PDE6A: variants seen among roughly 807,000 people sequenced by gnomAD.
PDE6A encodes the protein rod cGMP-specific 3',5'-cyclic phosphodiesterase subunit alpha.
Under a neutral mutation model 106.3 loss-of-function variants are expected in PDE6A, and 84 were observed. That is an observed-to-expected ratio of 0.79 (90% CI 0.66 to 0.95). The LOEUF (loss-of-function observed/expected upper bound fraction) is 0.95. Ranked by LOEUF, PDE6A falls within the 40% of genes least tolerant of loss-of-function variation. The probability of loss-of-function intolerance (pLI) is 0.00; values close to 1 mark genes in which losing one functional copy is unlikely to be tolerated. For synonymous variants in PDE6A, 394 were observed against 386.6 expected, an observed-to-expected ratio of 1.02 and a Z score of -0.23; for missense variants, 1,052 against 1,084.9, an observed-to-expected ratio of 0.97 and a Z score of 0.43.
At chr5:149,895,749 G>A (rs1752721244) in intron 12 of PDE6A, among the ~76,000 whole-genome samples, 3 of 150,766 alleles carry the variant, frequency 2.0e-5, no homozygotes, top group Admixed American at 1.3e-4. Context: ...AGAGCTGGGA[G>A]TGTGTGTGTG....
chr5:149,919,726 C>G (rs374199390), intron 5 of PDE6A, among the ~76,000 whole-genome samples: 1 of 152,144 alleles, frequency 6.6e-6, no homozygotes, highest in African/African-American at 2.4e-5. Flanking sequence ...TTACCTTCTA[C>G]CTGAGCAGCT....
intron 12 of PDE6A, among the ~76,000 whole-genome samples, chr5:149,896,069 T>C (rs929435078): frequency 6.6e-6 from 1 of 152,164 alleles, no homozygotes. Flanking sequence ...CATTTAACTA[T>C]AGGACCCATT....
At chr5:149,940,041 C>A (rs550158311) in intron 1 of PDE6A, 6 of 150,064 alleles carry the variant, frequency 4.0e-5, no homozygotes, top group East Asian at 1.9e-4. Flanking sequence ...TTAGGCTAGT[C>A]GAGTGAAGCA....
intron 17 of PDE6A, among the ~76,000 whole-genome samples, chr5:149,874,977 G>A (rs1428678461): frequency 6.6e-6 from 1 of 152,062 alleles, no homozygotes; most frequent in Non-Finnish European, 1.5e-5. Context: ...CTGAGGTGAG[G>A]GAGTAAGTCA....
Position 149,868,087 on chromosome 5 carries a change from G to T in PDE6A, c.2199+8C>A. 1.2e-6 allele frequency: 2 copies of T among 1,613,736 alleles called. No homozygotes were observed. Among genetic ancestry groups the T allele is most frequent in the Non-Finnish European group, 1.7e-6 (2 of 1,179,666 alleles). ...TGCCCCTCCTCTTGGGTCAGCAGGAGTTCATACCTGGCTCTGCACCTCCCA... is the reference window on the plus strand; with the variant it reads ...TGCCCCTCCTCTTGGGTCAGCAGGATTTCATACCTGGCTCTGCACCTCCCA... On this transcript the variant is annotated splice_region_variant and intron_variant, in intron 18 of 21. Coordinates refer to ENST00000255266, the MANE Select transcript of PDE6A (RefSeq NM_000440.3).
chr5:149,920,883 G>GAGAC (rs1477105357), intron 5 of PDE6A, among the ~76,000 whole-genome samples: 13 of 148,564 alleles, frequency 8.8e-5, no homozygotes, highest in Non-Finnish European at 1.5e-4. Context: ...GAGAAAGAGA[G>GAGAC]AGACAGAGAG....
Position 149,944,684 on chromosome 5 carries a change from C to A in PDE6A, c.-11G>T, listed in dbSNP as rs112926956. 2.9e-3 allele frequency: 4,697 copies of A among 1,593,982 alleles called. 12 individuals carry two copies. The highest frequency in any genetic ancestry group is 0.013 in the East Asian group (595 of 44,400). Reference sequence around the variant, plus strand: ...TGTCACCTCGCCCATGGCTGGGAATCCCACTGGCTACTCTGTAGAAGGACT... The same window carrying A: ...TGTCACCTCGCCCATGGCTGGGAATACCACTGGCTACTCTGTAGAAGGACT... On this transcript the variant is annotated 5_prime_UTR_variant, in exon 1 of 22. Transcript: ENST00000255266.
At chr5:149,925,706 CAAAA>C (rs36003503) in intron 4 of PDE6A, among the ~76,000 whole-genome samples, 3 of 102,198 alleles carry the variant, frequency 2.9e-5, no homozygotes, top group Non-Finnish European at 1.9e-5. Flanking sequence ...GACTCTGTCT[CAAAA>C]AAAAAAAAAA....
intron 6 of PDE6A, among the ~76,000 whole-genome samples, chr5:149,910,543 G>C (rs1395597081): frequency 2.0e-5 from 3 of 152,080 alleles, no homozygotes; most frequent in Non-Finnish European, 2.9e-5. Context: ...TGCCAGTTAA[G>C]ATAATTTTTC....
Position 149,944,647 on chromosome 5 carries a change from C to T in PDE6A, c.27G>A (p.Val9=), listed in dbSNP as rs1412849582. 4 of 1,612,060 alleles carry T rather than the reference C, an allele frequency of 2.5e-6. No individual in the cohort carries two copies. Among genetic ancestry groups the T allele is most frequent in the Non-Finnish European group, 3.4e-6 (4 of 1,179,198 alleles). Reference sequence around the variant, plus strand: ...CAATATTCGAGTCCAGGAACTTCTCCACCTCCTCTGCTGTCACCTCGCCCA... The same window carrying T: ...CAATATTCGAGTCCAGGAACTTCTCTACCTCCTCTGCTGTCACCTCGCCCA... The part of the protein sequence containing the change: MGEVTAEE[V]EKFLDSNIGF... Residue 9 remains valine, a synonymous_variant, in exon 1 of 22, where the codon GTG becomes GTA. Transcript: ENST00000255266.
intron 8 of PDE6A, among the ~76,000 whole-genome samples, chr5:149,901,596 T>C (rs1339325329): frequency 6.6e-6 from 1 of 151,540 alleles, no homozygotes; most frequent in East Asian, 1.9e-4. Flanking sequence ...GGAGTATGAG[T>C]TGGAGGAGGA....
Position 149,931,168 on chromosome 5 carries a change from T to A in PDE6A, c.718A>T (p.Ile240Leu). The A allele has an allele frequency of 6.2e-7, 1 of 1,614,082 alleles. No homozygotes were observed. Among genetic ancestry groups the A allele is most frequent in the Non-Finnish European group, 8.5e-7 (1 of 1,180,002 alleles). ...ACTTTGCTCCCAGACCACAGCAGTA[T>A]CTGAAAAAACACAAAAACATATTCA... The part of the protein sequence containing the change: ...LHNCETRRGQ[I>L]LLWSGSKVFE... Residue 240 changes from isoleucine to leucine, a missense_variant and splice_region_variant, in exon 4 of 22, where the codon ATA (isoleucine) becomes TTA (leucine). Coordinates refer to ENST00000255266, the MANE Select transcript of PDE6A (RefSeq NM_000440.3).
At chr5:149,918,216 C>G (rs182429608) in intron 5 of PDE6A, among the ~76,000 whole-genome samples, 6 of 152,298 alleles carry the variant, frequency 3.9e-5, no homozygotes, top group Admixed American at 2.0e-4. Flanking sequence ...CTTAGCTAGA[C>G]TGCTTTAAAA....
At chr5:149,908,294 G>A (rs574060279) in intron 6 of PDE6A, among the ~76,000 whole-genome samples, 6 of 152,256 alleles carry the variant, frequency 3.9e-5, no homozygotes, top group South Asian at 4.1e-4. Context: ...TGTCAACATT[G>A]GTGCATATGT....
chr5:149,882,793 C>A (rs780156631), intron 17 of PDE6A, among the ~76,000 whole-genome samples: 1 of 152,284 alleles, frequency 6.6e-6, no homozygotes, highest in South Asian at 2.1e-4. Flanking sequence ...CATGATGGCT[C>A]ACGCCTATAA....
intron 13 of PDE6A, among the ~76,000 whole-genome samples, chr5:149,888,790 T>C (rs189503243): frequency 9.9e-4 from 151 of 151,816 alleles, no homozygotes; most frequent in Non-Finnish European, 1.8e-3. Context: ...CTGGCTAAGA[T>C]TGGAAGAAAA....
At chr5:149,941,098 C>T (rs1173196742) in intron 1 of PDE6A, among the ~76,000 whole-genome samples, 1 of 152,170 alleles carries the variant, frequency 6.6e-6, no homozygotes, top group Non-Finnish European at 1.5e-5. Flanking sequence ...ATGGGACAAA[C>T]ATTCTTCTGG....
At chr5:149,881,012 G>A (rs974483695) in intron 17 of PDE6A, among the ~76,000 whole-genome samples, 4 of 152,140 alleles carry the variant, frequency 2.6e-5, no homozygotes, top group Non-Finnish European at 5.9e-5. Flanking sequence ...GCAGTGAGCC[G>A]AGATCGTGCT....
intron 13 of PDE6A, among the ~76,000 whole-genome samples, chr5:149,886,619 GA>G (rs1236253735): frequency 6.6e-6 from 1 of 152,170 alleles, no homozygotes; most frequent in African/African-American, 2.4e-5. Flanking sequence ...CCCTATTTCT[GA>G]GTTGACCTTA....
Sources: allele counts gnomAD v4.1 joint callset (sites outside exome capture counted in the v4.1 genomes callset), GRCh38; gene constraint gnomAD v4.1.1; transcripts MANE v1.5; gene names NCBI Gene and HGNC (gene_info 2026-07-23, HGNC 2026-07-21).